The following SBNO2 variants were observed in gnomAD, a reference collection of about 807,000 sequenced individuals.
The protein encoded by SBNO2 is protein strawberry notch homolog 2.
A neutral mutation model predicts 146.3 loss-of-function variants in SBNO2; 89 were observed. That is an observed-to-expected ratio of 0.61 (90% CI 0.51 to 0.73). The LOEUF is 0.73. Ranked by LOEUF, SBNO2 falls within the 30% of genes least tolerant of loss-of-function variation. The pLI is 0.00. For synonymous variants in SBNO2, 1,147 were observed against 892.6 expected (o/e 1.29, Z -5.08); for missense variants, 2,092 against 2,003.7 (o/e 1.04, Z -0.84).
At chr19:1,116,521 G>A (rs1212897049) in intron 16 of SBNO2, among the ~76,000 whole-genome samples, 1 of 152,120 alleles carries the variant, frequency 6.6e-6, no homozygotes, top group African/African-American at 2.4e-5. Flanking sequence ...AGCTGGGAGG[G>A]CCAGCCCCTA....
rs2145326805 is a variant in SBNO2, at chr19:1,158,790, C to T, written c.-126-4388G>A. ...TGGCAAGGAGCAGGCCCCCGGGTGTCCCGGGAACCCCGCACAGAGCCACGG... is the reference window on the plus strand; with the variant it reads ...TGGCAAGGAGCAGGCCCCCGGGTGTTCCGGGAACCCCGCACAGAGCCACGG... On this transcript the variant is annotated intron_variant, in intron 1 of 31. Transcript: ENST00000361757. The surrounding 1 kb of genome is among the most constrained non-coding windows in gnomAD (Gnocchi z 9.9). Among the ~76,000 whole-genome samples the T allele has an allele frequency of 6.6e-6, 1 of 152,276 alleles. No individual in the cohort carries two copies. Among genetic ancestry groups the T allele is most frequent in the Admixed American group, 6.5e-5 (1 of 15,310 alleles).
intron 4 of SBNO2, 68 bp from the exon 5 acceptor site, chr19:1,127,833 C>A: frequency 6.7e-7 from 1 of 1,487,058 alleles, no homozygotes; most frequent in Non-Finnish European, 9.3e-7. Flanking sequence ...CGCACTGGAG[C>A]ACGTGGGGAT....
In SBNO2 at chr19:1,140,687, C is replaced by T. The variant is rs969206179; in HGVS notation, c.279+6622G>A. On this transcript the variant is annotated intron_variant, in intron 4 of 31. Transcript: ENST00000361757. This position sits in a 1 kb window ranked among gnomAD's most constrained non-coding sequence, Gnocchi z 4.4. ...AGACCCAGCCGTCAGCAGGAGAAGG[C>T]ACACGGAAAACAGACGGACGCAGCA... 4.6e-5 allele frequency among the ~76,000 whole-genome samples: 7 copies of T among 152,218 alleles called. No homozygotes were observed. Among genetic ancestry groups the T allele is most frequent in the African/African-American group, 1.7e-4 (7 of 41,450 alleles).
At chr19:1,123,169 C>T (rs1196282887) in intron 7 of SBNO2, 124 bp from the exon 8 acceptor site, 10 of 1,140,674 alleles carry the variant, frequency 8.8e-6, no homozygotes, top group South Asian at 1.5e-5. Flanking sequence ...GGGGCGTGGC[C>T]AGGTCCCGTT....
At chr19:1,168,940 G>C (rs1038717516) in intron 1 of SBNO2, 4 of 152,290 alleles carry the variant, frequency 2.6e-5, no homozygotes, top group Admixed American at 6.5e-5. Flanking sequence ...CAGGAAACGC[G>C]AGTGAGCCGC....
At position 1,110,837 on chromosome 19, in the gene SBNO2, T is replaced by G; in HGVS notation, c.2936A>C (p.Lys979Thr). 6.2e-7 allele frequency: 1 copy of G among 1,613,672 alleles called. No individual in the cohort carries two copies. The highest frequency in any genetic ancestry group is 8.5e-7 in the Non-Finnish European group (1 of 1,179,720). Reference protein sequence around the residue: ...LNRILGLEVHKQNALFQYFSD... With the variant: ...LNRILGLEVHTQNALFQYFSD... ...GAAGTACTGGAACAGGGCGTTCTGC[T>G]TGTGCACCTCCAGCCCCAGGATGCG... Residue 979 changes from lysine to threonine, a missense_variant, in exon 26 of 32, where the codon AAG becomes ACG. Coordinates refer to ENST00000361757, the MANE Select transcript of SBNO2 (RefSeq NM_014963.3). The surrounding 1 kb of genome is among the most constrained non-coding windows in gnomAD (Gnocchi z 4.9).
Position 1,150,883 on chromosome 19 carries a change from C to T in SBNO2, c.94-1441G>A, listed in dbSNP as rs928109798. On this transcript the variant is annotated intron_variant, in intron 2 of 31. Coordinates refer to ENST00000361757, the MANE Select transcript of SBNO2 (RefSeq NM_014963.3). The surrounding 1 kb of genome is among the most constrained non-coding windows in gnomAD (Gnocchi z 6.2). ...ACAGCCTCGAGATAGGCAAAGCCCT[C>T]GGGGTGACCGCTGCCCCGCTCCTCC... Among the ~76,000 whole-genome samples the T allele has an allele frequency of 1.1e-4, 17 of 152,206 alleles. No individual in the cohort carries two copies. Among genetic ancestry groups the T allele is most frequent in the African/African-American group, 3.4e-4 (14 of 41,462 alleles).
chr19:1,142,176 T>C (rs2080146060), intron 4 of SBNO2, among the ~76,000 whole-genome samples: 1 of 134,372 alleles, frequency 7.4e-6, no homozygotes, highest in African/African-American at 2.9e-5. Context: ...ATGACCTCCC[T>C]CCCCATGATC....
In SBNO2 at chr19:1,126,733, C is replaced by A. The variant is rs887020188; in HGVS notation, c.441+871G>T. ...GGGAGCGTGCGGAGGCTGGCATGGG[C>A]CCTCACCGGAAGGCGCTCAGTCCCA... On this transcript the variant is annotated intron_variant, in intron 5 of 31. Transcript: ENST00000361757. This position sits in a 1 kb window ranked among gnomAD's most constrained non-coding sequence, Gnocchi z 4.4. Among the ~76,000 whole-genome samples, 1 of 152,214 alleles carries A rather than the reference C, an allele frequency of 6.6e-6. No individual in the cohort carries two copies. The highest frequency in any genetic ancestry group is 2.4e-5 in the African/African-American group (1 of 41,450).
intron 1 of SBNO2, among the ~76,000 whole-genome samples, chr19:1,167,565 T>C (rs1451464977): frequency 6.6e-6 from 1 of 152,150 alleles, no homozygotes; most frequent in Non-Finnish European, 1.5e-5. Context: ...CAGGGCAAGG[T>C]CCCTCTTAGG....
Position 1,144,902 on chromosome 19 carries a change from G to A in SBNO2, c.279+2407C>T, listed in dbSNP as rs12983799. On this transcript the variant is annotated intron_variant, in intron 4 of 31. Coordinates refer to ENST00000361757, the MANE Select transcript of SBNO2 (RefSeq NM_014963.3). This position sits in a 1 kb window ranked among gnomAD's most constrained non-coding sequence, Gnocchi z 4.1. Reference sequence around the variant, plus strand: ...CAGAGAGGGAGACAGAGAGACAGAGGCGGAGATGGAGACAGAGACAGAGAG... The same window carrying A: ...CAGAGAGGGAGACAGAGAGACAGAGACGGAGATGGAGACAGAGACAGAGAG... Among the ~76,000 whole-genome samples, 4 of 108,392 alleles carry A rather than the reference G, an allele frequency of 3.7e-5. No homozygotes were observed. The highest frequency in any genetic ancestry group is 3.3e-4 in the East Asian group (1 of 3,028). The allele number at this position is 108,392 out of a possible 152,430, so 71.1% of individuals were successfully genotyped here.
At position 1,122,732 on chromosome 19, in the gene SBNO2, G is replaced by T; in HGVS notation, c.840C>A (p.Ala280=). 6.5e-7 allele frequency: 1 copy of T among 1,537,104 alleles called. No homozygotes were observed. The highest frequency in any genetic ancestry group is 8.7e-7 in the Non-Finnish European group (1 of 1,146,484). Residue 280 remains alanine (A), a synonymous_variant, in exon 9 of 32, where the codon GCC becomes GCA. Transcript: ENST00000361757. ...CCACCGTCCGGCCTTTGCCCACGCC[G>T]GCCCCATCGCCGATGAGAAAGCCCG... ...QRAGFLIGDG[A]GVGKGRTVAG...
intron 1 of SBNO2, among the ~76,000 whole-genome samples, chr19:1,171,766 T>TGG (rs72208617): frequency 0.074 from 11,279 of 151,874 alleles, 1,242 homozygotes; most frequent in African/African-American, 0.24. Context: ...AGCAAGTGGG[T>TGG]GGGGGGTCTA....
chr19:1,147,758 C>A (rs2080207273), intron 3 of SBNO2, among the ~76,000 whole-genome samples: 1 of 152,114 alleles, frequency 6.6e-6, no homozygotes, highest in South Asian at 2.1e-4. Flanking sequence ...GATTCAGAAC[C>A]CCAGCCTGGC....
intron 4 of SBNO2, among the ~76,000 whole-genome samples, chr19:1,135,607 G>A (rs2080078197): frequency 6.6e-6 from 1 of 152,208 alleles, no homozygotes. Flanking sequence ...CCGTGGCCCG[G>A]TCTCTCCCTC....
chr19:1,119,169 G>T lies in SBNO2; in HGVS notation c.1374-5C>A. 1 of 1,592,348 alleles carries T rather than the reference G, an allele frequency of 6.3e-7. No individual in the cohort carries two copies. Among genetic ancestry groups the T allele is most frequent in the East Asian group, 2.3e-5 (1 of 44,004 alleles). On this transcript the variant is annotated splice_region_variant and splice_polypyrimidine_tract_variant and intron_variant, in intron 13 of 31. Coordinates refer to ENST00000361757, the MANE Select transcript of SBNO2 (RefSeq NM_014963.3). ...ATCTCCATGGCGCCAACGCCCCTGC[G>T]GATGGACACAGCCCCCGTGAGCACG...
In SBNO2 at chr19:1,109,846, C is replaced by A; in HGVS notation, c.3029-69G>T. 1 of 1,245,942 alleles carries A rather than the reference C, an allele frequency of 8.0e-7. No homozygotes were observed. 77.2% of individuals were successfully genotyped at this position (1,245,942 alleles called of 1,614,324 possible). A position where few individuals can be genotyped will look rare whatever the true frequency, so the allele number is the denominator to read the frequency against. ...TGTGGGCTGGGGCCAGGGTCAGTCC[C>A]GTAGCCGGGGCGCACCCTAGAGACG... On this transcript the variant is annotated intron_variant, in intron 26 of 31. Coordinates refer to ENST00000361757, the MANE Select transcript of SBNO2 (RefSeq NM_014963.3). This position sits in a 1 kb window ranked among gnomAD's most constrained non-coding sequence, Gnocchi z 4.2.
At chr19:1,122,609 T>TCCCCCCCCCCCCCCCCCC in intron 9 of SBNO2, 49 bp downstream of exon 9, 1 of 248,898 alleles carries the variant, frequency 4.0e-6, no homozygotes, top group South Asian at 5.0e-5. Flanking sequence ...CGCCCCCCGC[T>TCCCCCCCCCCCCCCCCCC]TCCGCCCCCC....
chr19:1,171,477 C>T (rs1281431673), intron 1 of SBNO2, among the ~76,000 whole-genome samples: 2 of 152,154 alleles, frequency 1.3e-5, no homozygotes, highest in African/African-American at 4.8e-5. Flanking sequence ...CACACCGCCT[C>T]CAGGAGTGTT....
Sources: gnomAD v4.1 joint callset for allele counts (sites outside exome capture counted in the v4.1 genomes callset) on GRCh38, gnomAD v4.1.1 for gene constraint, Gnocchi (gnomAD v3.1) non-coding constraint, MANE v1.5 for transcripts, NCBI Gene and HGNC (gene_info 2026-07-23, HGNC 2026-07-21) for gene names.